Variants in NDRG2 observed in about 807,000 individuals in gnomAD.
NDRG2 encodes protein NDRG2.
A neutral mutation model predicts 58.2 loss-of-function variants in NDRG2; 34 were observed. That is an observed-to-expected ratio of 0.58 (90% CI 0.44 to 0.78). The LOEUF is 0.78. Among genes scored for constraint, NDRG2 ranks in the 30% least tolerant of loss-of-function variants. NDRG2 has a pLI of 0.00. For missense variants in NDRG2, 434 were observed against 471.2 expected (o/e 0.92, Z 0.73); for synonymous variants, 187 against 175.9 (o/e 1.06, Z -0.50).
chr14:21,017,663 G>C lies in NDRG2; in HGVS notation c.1049C>G (p.Ser350Cys). 6.2e-7 allele frequency: 1 copy of C among 1,612,750 alleles called. No homozygotes were observed. The highest frequency in any genetic ancestry group is 2.2e-5 in the East Asian group (1 of 44,816). Reference sequence around the variant, plus strand: ...AAGAGTTCCAGACTCGCTGCTCTGGGACAGGGTGCGAGAGCGGGACCGGTT... The same window carrying C: ...AAGAGTTCCAGACTCGCTGCTCTGGCACAGGGTGCGAGAGCGGGACCGGTT... Reference protein sequence around the residue: ...DGNRSRSRTLSQSSESGTLSS... With the variant: ...DGNRSRSRTLCQSSESGTLSS... The change falls in exon 16 of 16, where the codon TCC becomes TGC. Residue 350 changes from serine to cysteine, a missense_variant. Physicochemically the swap from Ser to Cys is moderately radical, Grantham distance 112. Coordinates refer to ENST00000556147, the MANE Select transcript of NDRG2 (RefSeq NM_001320329.2).
chr14:21,025,018 C>T lies in NDRG2; in HGVS notation c.-995G>A, dbSNP rs1566477569. ...CAGGCCCTACGGCCCCTCGCCTGCC[C>T]CTCCCCCTACCTGCTGCCGCCGCGG... On this transcript the variant is annotated 5_prime_UTR_variant, in exon 1 of 16. Transcript: ENST00000556147. The surrounding 1 kb of genome is among the most constrained non-coding windows in gnomAD (Gnocchi z 5.1). The T allele has an allele frequency of 5.1e-6, 5 of 985,984 alleles. No homozygotes were observed. Among genetic ancestry groups the T allele is most frequent in the Non-Finnish European group, 6.0e-6 (5 of 830,404 alleles). 61.1% of individuals were successfully genotyped at this position (985,984 alleles called of 1,614,324 possible).
At chr14:21,046,547 A>ATACATACC (rs1555333010) in intron 1 of NDRG2, among the ~76,000 whole-genome samples, 1 of 65,916 alleles carries the variant, frequency 1.5e-5, no homozygotes, top group Non-Finnish European at 3.8e-5. Flanking sequence ...AAACAAATAC[A>ATACATACC]TACATACATA....
intron 1 of NDRG2, among the ~76,000 whole-genome samples, chr14:21,053,367 C>T (rs753235592): frequency 6.6e-6 from 1 of 152,160 alleles, no homozygotes; most frequent in Non-Finnish European, 1.5e-5. Context: ...GTGGCTGACA[C>T]CTGTCATCCC....
At chr14:21,034,651 C>T (rs1884498910) in intron 1 of NDRG2, 1 of 217,876 alleles carries the variant, frequency 4.6e-6, no homozygotes, top group Non-Finnish European at 9.1e-6. Flanking sequence ...AAGGAGCAGG[C>T]TGACCTGACA....
At chr14:21,064,404 C>T (rs1449153003) in intron 1 of NDRG2, among the ~76,000 whole-genome samples, 1 of 151,930 alleles carries the variant, frequency 6.6e-6, no homozygotes, top group Non-Finnish European at 1.5e-5. Flanking sequence ...TGGGTTCAAG[C>T]GATTCTCCTG....
intron 1 of NDRG2, among the ~76,000 whole-genome samples, chr14:21,057,618 C>CATAT (rs57420807): frequency 0.064 from 7,893 of 122,840 alleles, 582 homozygotes; most frequent in South Asian, 0.12. Context: ...TCATTTTATT[C>CATAT]ATATATATAT....
chr14:21,068,984 G>A (rs1325876191), intron 1 of NDRG2, among the ~76,000 whole-genome samples: 2 of 152,262 alleles, frequency 1.3e-5, no homozygotes, highest in Non-Finnish European at 2.9e-5. Context: ...GGCCTCCGAG[G>A]AACTGCAGGC....
At chr14:21,022,712 GA>G in intron 3 of NDRG2, 151 bp downstream of exon 3, 1 of 712,462 alleles carries the variant, frequency 1.4e-6, no homozygotes, top group Non-Finnish European at 2.4e-6. Context: ...AAGAGGAGGG[GA>G]AGGAAGGAGA....
chr14:21,036,071 T>C, intron 1 of NDRG2: 1 of 395,436 alleles, frequency 2.5e-6, no homozygotes. Context: ...TCAAGAGTTT[T>C]TAGACCAGTG....
At chr14:21,030,526 T>G, upstream of NDRG2, 2 of 1,542,894 alleles carry the variant, frequency 1.3e-6, no homozygotes, top group Non-Finnish European at 1.8e-6. Context: ...TCCCTCCCCC[T>G]TCTCCTTCAC....
At chr14:21,036,984 G>T (rs1884665255) in intron 1 of NDRG2, among the ~76,000 whole-genome samples, 1 of 152,190 alleles carries the variant, frequency 6.6e-6, no homozygotes, top group African/African-American at 2.4e-5. Flanking sequence ...ACCACATTGT[G>T]GTCCCTGCCT....
intron 1 of NDRG2, chr14:21,043,526 C>G (rs1885010476): frequency 2.8e-6 from 3 of 1,079,174 alleles, no homozygotes; most frequent in South Asian, 1.5e-5. Context: ...CCGCACCACT[C>G]CCCTACACCC....
intron 1 of NDRG2, among the ~76,000 whole-genome samples, chr14:21,045,391 C>T (rs1273150282): frequency 6.6e-6 from 1 of 152,190 alleles, no homozygotes; most frequent in Non-Finnish European, 1.5e-5. Context: ...TACCTGAAAA[C>T]AGAACATTGC....
rs563223886 is a variant in NDRG2, at chr14:21,070,520, TC to T, written c.24+307del. 171 of 1,198,034 alleles carry T rather than the reference TC, an allele frequency of 1.4e-4. 1 individual carries two copies. In the South Asian group the frequency reaches 3.0e-3, roughly 21 times the overall value. 74.2% of individuals were successfully genotyped at this position (1,198,034 alleles called of 1,614,324 possible). On this transcript the variant is annotated intron_variant, in intron 1 of 14. Transcript: ENST00000403829. The surrounding 1 kb of genome is among the most constrained non-coding windows in gnomAD (Gnocchi z 4.7). Reference sequence around the variant, plus strand: ...TCGGACTGTTCGGCCCCTCTGGGACTCTCCTCCCTCCCATCCCCCCTTCTTC... The same window carrying T: ...TCGGACTGTTCGGCCCCTCTGGGACTTCCTCCCTCCCATCCCCCCTTCTTC...
rs372126591 is a variant in NDRG2, at chr14:21,059,039, C to T, written c.24+11789G>A. On this transcript the variant is annotated intron_variant, in intron 1 of 14. Coordinates refer to the NDRG2 transcript ENST00000403829. ...GCTGGCTTGATTCTGTCCTCCAGCCCCTTGAGGGCTCTCTGGTGGCCCCCT... is the reference window on the plus strand; with the variant it reads ...GCTGGCTTGATTCTGTCCTCCAGCCTCTTGAGGGCTCTCTGGTGGCCCCCT... 2.6e-5 allele frequency among the ~76,000 whole-genome samples: 4 copies of T among 152,240 alleles called. No individual in the cohort carries two copies. In the East Asian group the frequency reaches 7.7e-4, roughly 29 times the overall value.
At chr14:21,067,536 G>A (rs555090025) in intron 1 of NDRG2, among the ~76,000 whole-genome samples, 46 of 152,280 alleles carry the variant, frequency 3.0e-4, no homozygotes, top group African/African-American at 1.0e-3. Flanking sequence ...GTAGCTTAGA[G>A]AGAGTTTATT....
At chr14:21,038,650 T>C (rs1884760913) in intron 1 of NDRG2, among the ~76,000 whole-genome samples, 1 of 152,246 alleles carries the variant, frequency 6.6e-6, no homozygotes, top group African/African-American at 2.4e-5. Flanking sequence ...AAATCAGAGA[T>C]AAAGTTAGAA....
intron 15 of NDRG2, 49 bp from the exon 16 acceptor site, chr14:21,017,811 G>A (rs372921661): frequency 1.6e-4 from 261 of 1,604,926 alleles, no homozygotes; most frequent in Non-Finnish European, 2.1e-4. Context: ...AGTGGGGAAG[G>A]GGGGCTGGCG....
At chr14:21,037,141 C>T (rs982804551) in intron 1 of NDRG2, among the ~76,000 whole-genome samples, 1 of 152,222 alleles carries the variant, frequency 6.6e-6, no homozygotes, top group Non-Finnish European at 1.5e-5. Flanking sequence ...ACACCACTCA[C>T]TTCTGCCGCA....
Sources: gnomAD v4.1 joint callset for allele counts (sites outside exome capture counted in the v4.1 genomes callset) on GRCh38, gnomAD v4.1.1 for gene constraint, Gnocchi (gnomAD v3.1) non-coding constraint, MANE v1.5 for transcripts, NCBI Gene and HGNC (gene_info 2026-07-23, HGNC 2026-07-21) for gene names.